Variants in UNC5C observed in about 807,000 individuals in gnomAD.
UNC5C encodes the protein netrin receptor UNC5C.
Under a neutral mutation model 99.8 loss-of-function variants are expected in UNC5C, and 47 were observed. The ratio of observed to expected loss-of-function variants is 0.47; its 90% CI spans 0.37 to 0.60. The LOEUF is 0.60. Among genes scored for constraint, UNC5C ranks in the 20% least tolerant of loss-of-function variants. The pLI, the probability that UNC5C is intolerant of heterozygous loss-of-function variation, is 0.00. For synonymous variants in UNC5C, 487 were observed against 452.2 expected (o/e 1.08, Z -0.98); for missense variants, 1,062 against 1,165.9 (o/e 0.91, Z 1.30).
At chr4:95,506,263 C>T (rs760852097) in intron 1 of UNC5C, among the ~76,000 whole-genome samples, 10 of 151,964 alleles carry the variant, frequency 6.6e-5, no homozygotes, top group South Asian at 4.1e-4. Context: ...TTCAACTCTG[C>T]GGCAACCAGT....
chr4:95,501,968 C>G (rs7695240), intron 1 of UNC5C, among the ~76,000 whole-genome samples: 9,855 of 152,132 alleles, frequency 0.065, 742 homozygotes, highest in African/African-American at 0.18. Flanking sequence ...GAAGAGAGGA[C>G]TTTTCTTTTC....
At chr4:95,474,204 C>G (rs1304037849) in intron 1 of UNC5C, among the ~76,000 whole-genome samples, 1 of 152,086 alleles carries the variant, frequency 6.6e-6, no homozygotes, top group African/African-American at 2.4e-5. Context: ...GTGACTGTCC[C>G]ACTGCCACAA....
intron 1 of UNC5C, among the ~76,000 whole-genome samples, chr4:95,377,487 T>G (rs1185779086): frequency 1.3e-5 from 2 of 152,220 alleles, no homozygotes; most frequent in African/African-American, 4.8e-5. Context: ...TGAAACCGCT[T>G]TGGCATCTCA....
intron 1 of UNC5C, among the ~76,000 whole-genome samples, chr4:95,424,330 G>A (rs374053098): frequency 6.6e-6 from 1 of 150,826 alleles, no homozygotes; most frequent in Admixed American, 6.6e-5. Flanking sequence ...CCATATATAC[G>A]TGTCTGTGTA....
At chr4:95,497,800 AT>A (rs1200002132) in intron 1 of UNC5C, among the ~76,000 whole-genome samples, 1 of 151,922 alleles carries the variant, frequency 6.6e-6, no homozygotes, top group African/African-American at 2.4e-5. Flanking sequence ...TAAGAAAACC[AT>A]TTTTATCTTG....
In UNC5C at chr4:95,242,506, G is replaced by A; in HGVS notation, c.1031C>T (p.Ala344Val). The change falls in exon 7 of 16, where the codon GCC (alanine) becomes GTC (valine). Residue 344 changes from alanine to valine, a missense_variant. By Grantham distance (64) the Ala-to-Val change is moderately conservative. Transcript: ENST00000453304. ...HWRRRECTAP[A>V]PKNGGKDCDG... The stretch of plus-strand genomic sequence containing the variant: ...GCAGTCCTTGCCTCCATTCTTGGGG[G>A]CTGGCGCCGTGCACTCCCTCCTGCG... 1 of 1,613,716 alleles carries A rather than the reference G, an allele frequency of 6.2e-7. No individual in the cohort carries two copies. The highest frequency in any genetic ancestry group is 8.5e-7 in the Non-Finnish European group (1 of 1,179,842).
intron 1 of UNC5C, among the ~76,000 whole-genome samples, chr4:95,490,842 T>C (rs1297869598): frequency 6.6e-6 from 1 of 151,734 alleles, no homozygotes; most frequent in East Asian, 1.9e-4. Flanking sequence ...ATCAAATAAT[T>C]TATCAAGTTA....
chr4:95,286,765 G>T (rs754038532), intron 3 of UNC5C, among the ~76,000 whole-genome samples: 1 of 152,092 alleles, frequency 6.6e-6, no homozygotes, highest in African/African-American at 2.4e-5. Flanking sequence ...CTTTACTCTC[G>T]TTACTTAGCT....
chr4:95,222,325 G>A, intron 7 of UNC5C: 5 of 792,820 alleles, frequency 6.3e-6, no homozygotes, highest in Admixed American at 3.5e-5. Flanking sequence ...ATGAGGGAAA[G>A]AAAATAGGAA....
At chr4:95,237,452 G>A (rs1264747071) in intron 7 of UNC5C, among the ~76,000 whole-genome samples, 1 of 152,052 alleles carries the variant, frequency 6.6e-6, no homozygotes, top group Non-Finnish European at 1.5e-5. Flanking sequence ...AGTTTTATAA[G>A]TAACCTTCAA....
intron 12 of UNC5C, among the ~76,000 whole-genome samples, chr4:95,191,755 A>C (rs1316304853): frequency 8.9e-6 from 1 of 112,562 alleles, no homozygotes; most frequent in African/African-American, 3.5e-5. Flanking sequence ...TCCTCTGCTT[A>C]CCCTCCTCCC....
rs945264543 is a variant in UNC5C at position 95,176,850 on chromosome 4, G to C, written c.2451+6047C>G. The stretch of plus-strand genomic sequence containing the variant: ...GGGCCCCTCCCCCAGCCTCGCTGCC[G>C]CCTTGCAGTTTGATCTCAGACTGCT... On this transcript the variant is annotated intron_variant, in intron 14 of 15. Coordinates refer to ENST00000453304, the MANE Select transcript of UNC5C (RefSeq NM_003728.4). Among the ~76,000 whole-genome samples the C allele has an allele frequency of 2.0e-5, 3 of 152,208 alleles. No individual in the cohort carries two copies. In the South Asian group the frequency reaches 6.2e-4, roughly 31 times the overall value.
intron 1 of UNC5C, among the ~76,000 whole-genome samples, chr4:95,408,745 G>C (rs1745895342): frequency 6.6e-6 from 1 of 152,152 alleles, no homozygotes. Context: ...ACACAAGAGA[G>C]CAGAAAATAT....
chr4:95,208,080 C>A (rs572884923), intron 10 of UNC5C, among the ~76,000 whole-genome samples: 1 of 152,130 alleles, frequency 6.6e-6, no homozygotes, highest in Non-Finnish European at 1.5e-5. Context: ...CATATGGATG[C>A]TTGTCATTGT....
intron 1 of UNC5C, among the ~76,000 whole-genome samples, chr4:95,366,040 A>C (rs2149436868): frequency 6.6e-6 from 1 of 152,316 alleles, no homozygotes; most frequent in South Asian, 2.1e-4. Flanking sequence ...CCTACAGCAA[A>C]GTACTGCCAA....
intron 12 of UNC5C, among the ~76,000 whole-genome samples, chr4:95,193,325 G>A (rs1468844613): frequency 6.6e-6 from 1 of 152,272 alleles, no homozygotes; most frequent in African/African-American, 2.4e-5. Context: ...CACTCTGGCT[G>A]TTTTTTGCTT....
At chr4:95,519,508 A>C (rs1722296591) in intron 1 of UNC5C, among the ~76,000 whole-genome samples, 1 of 152,112 alleles carries the variant, frequency 6.6e-6, no homozygotes, top group Admixed American at 6.5e-5. Context: ...TCAACAGAAA[A>C]GCTAACATAA....
Position 95,301,826 on chromosome 4 carries a change from T to C in UNC5C, c.347-77A>G, listed in dbSNP as rs185523605. On this transcript the variant is annotated intron_variant, in intron 2 of 15. Transcript: ENST00000453304. ...AATATAAACCATCACATCATATTTT[T>C]CCCCCAGTCATCCCTTTTGATGCCA... is the stretch of plus-strand genomic sequence containing the variant. The C allele has an allele frequency of 4.6e-6, 7 of 1,519,264 alleles. No individual in the cohort carries two copies. The African/African-American group carries it at 5.5e-5, about 12-fold the overall frequency. The allele number at this position is 1,519,264 out of a possible 1,614,324, so 94.1% of individuals were successfully genotyped here.
At chr4:95,363,639 C>A (rs966820790) in intron 1 of UNC5C, among the ~76,000 whole-genome samples, 1 of 152,068 alleles carries the variant, frequency 6.6e-6, no homozygotes, top group Non-Finnish European at 1.5e-5. Context: ...TGATATAATG[C>A]CCCTTCTGAA....
Sources: allele counts gnomAD v4.1 joint callset (sites outside exome capture counted in the v4.1 genomes callset), GRCh38; gene constraint gnomAD v4.1.1; transcripts MANE v1.5; gene names NCBI Gene and HGNC (gene_info 2026-07-23, HGNC 2026-07-21).